TMPRSS15: variants seen among roughly 807,000 people sequenced by gnomAD.
TMPRSS15 encodes transmembrane serine protease 15, also known as enteropeptidase.
A neutral mutation model predicts 125.3 loss-of-function variants in TMPRSS15; 128 were observed. The ratio of observed to expected loss-of-function variants is 1.02; its 90% CI spans 0.89 to 1.18. The LOEUF (loss-of-function observed/expected upper bound fraction) is 1.18, where lower values mean the gene tolerates loss of function less well. TMPRSS15 is among the 50% of genes most tolerant of loss of function. TMPRSS15 has a pLI of 0.00. For synonymous variants in TMPRSS15, 446 were observed against 423.2 expected, an observed-to-expected ratio of 1.05 and a Z score of -0.66; for missense variants, 1,283 against 1,212.7, an observed-to-expected ratio of 1.06 and a Z score of -0.86.
At chr21:18,352,857 T>C (rs1175409281) in intron 10 of TMPRSS15, 46 bp downstream of exon 10, 1 of 1,592,994 alleles carries the variant, frequency 6.3e-7, no homozygotes, top group Non-Finnish European at 8.6e-7. Flanking sequence ...TTCCTTTTGA[T>C]TTATGAATTA....
chr21:18,442,631 G>A (rs185089705), intron 1 of TMPRSS15, among the ~76,000 whole-genome samples: 14 of 152,178 alleles, frequency 9.2e-5, no homozygotes, highest in Admixed American at 5.2e-4. Flanking sequence ...TTCTTATCCC[G>A]GTAAGTTTGG....
chr21:18,365,390 A>G, intron 6 of TMPRSS15, 142 bp from the exon 7 acceptor site: 1 of 750,706 alleles, frequency 1.3e-6, no homozygotes, highest in South Asian at 1.5e-5. Flanking sequence ...TTCATGTTTG[A>G]AACCTATTAG....
upstream of TMPRSS15, among the ~76,000 whole-genome samples, chr21:18,406,636 A>G (rs1296356058): frequency 6.6e-6 from 1 of 152,190 alleles, no homozygotes; most frequent in Non-Finnish European, 1.5e-5. Flanking sequence ...GACCTTAGAC[A>G]TATAAGCAAA....
chr21:18,372,881 T>G (rs936912457), intron 5 of TMPRSS15, among the ~76,000 whole-genome samples: 1 of 152,212 alleles, frequency 6.6e-6, no homozygotes, highest in Non-Finnish European at 1.5e-5. Flanking sequence ...TTCATAAACT[T>G]AAGTCTAGAG....
chr21:18,299,806 C>T (rs1236093506), intron 18 of TMPRSS15, among the ~76,000 whole-genome samples: 1 of 152,198 alleles, frequency 6.6e-6, no homozygotes, highest in Non-Finnish European at 1.5e-5. Flanking sequence ...AAATTCTCCA[C>T]CCTCACTCGA....
intron 17 of TMPRSS15, 51 bp downstream of exon 17, chr21:18,315,095 C>A: frequency 7.0e-7 from 1 of 1,425,494 alleles, no homozygotes; most frequent in Non-Finnish European, 9.9e-7. Flanking sequence ...CTGTAGAGTC[C>A]AAATGCAGAG....
rs59103494 is a variant in TMPRSS15 at position 18,305,183 on chromosome 21, C to CTTTTTTTTTTTT, written c.2166-7366_2166-7355dup. 1.4e-4 allele frequency among the ~76,000 whole-genome samples: 12 copies of CTTTTTTTTTTTT among 86,042 alleles called. 1 individual carries two copies. The highest frequency in any genetic ancestry group is 3.1e-4 in the African/African-American group (7 of 22,548). The allele number at this position is 86,042 out of a possible 152,430, so 56.4% of individuals were successfully genotyped here. A position where few individuals can be genotyped will look rare whatever the true frequency, so the allele number is the denominator to read the frequency against. On this transcript the variant is annotated intron_variant, in intron 18 of 24. Coordinates refer to ENST00000284885, the MANE Select transcript of TMPRSS15 (RefSeq NM_002772.3). Reference sequence around the variant, plus strand: ...GGATTCCAGGATTTGAATTTCCGTACTTTTTTTTTTTTTTTTTTTTTTTGA... The same window carrying CTTTTTTTTTTTT: ...GGATTCCAGGATTTGAATTTCCGTACTTTTTTTTTTTTTTTTTTTTTTTTTTTTTTTTTTTGA...
chr21:18,429,391 C>T (rs537605096), intron 1 of TMPRSS15, among the ~76,000 whole-genome samples: 7 of 152,068 alleles, frequency 4.6e-5, no homozygotes, highest in Admixed American at 1.3e-4. Context: ...TTGGAGGGGC[C>T]AGGGTGGAAT....
At chr21:18,409,149 AAT>A (rs1361750322) in intron 1 of TMPRSS15, among the ~76,000 whole-genome samples, 1 of 151,820 alleles carries the variant, frequency 6.6e-6, no homozygotes, top group African/African-American at 2.4e-5. Flanking sequence ...AGATTTTTTT[AAT>A]AGTGTGTTTT....
chr21:18,404,790 A>G (rs2076135365), upstream of TMPRSS15, among the ~76,000 whole-genome samples: 2 of 152,066 alleles, frequency 1.3e-5, no homozygotes, highest in Non-Finnish European at 2.9e-5. Context: ...TTCTTTACCC[A>G]TGAAAGAAGA....
chr21:18,280,217 C>T (rs1439882009), intron 22 of TMPRSS15, among the ~76,000 whole-genome samples: 1 of 152,134 alleles, frequency 6.6e-6, no homozygotes. Flanking sequence ...TGCACATTTT[C>T]CAGGCATTTG....
intron 3 of TMPRSS15, among the ~76,000 whole-genome samples, chr21:18,391,982 G>T (rs988235439): frequency 1.3e-5 from 2 of 152,174 alleles, no homozygotes; most frequent in Non-Finnish European, 2.9e-5. Context: ...TTTTAGCCAT[G>T]GCTGGAGCTG....
At chr21:18,376,223 GT>G (rs2075840949) in intron 5 of TMPRSS15, among the ~76,000 whole-genome samples, 1 of 148,110 alleles carries the variant, frequency 6.8e-6, no homozygotes, top group Non-Finnish European at 1.5e-5. Context: ...AAATTTTATT[GT>G]AAGCAAGACT....
rs569557580 is a variant in TMPRSS15 at position 18,278,836 on chromosome 21, G to A, written c.2764+128C>T. On this transcript the variant is annotated intron_variant, in intron 23 of 24. Coordinates refer to ENST00000284885, the MANE Select transcript of TMPRSS15 (RefSeq NM_002772.3). ...TGTACATGCTTGACGGTACTTTTAG[G>A]AGATATTGAAAAAACTGTTATATAA... 3.2e-5 allele frequency: 20 copies of A among 618,292 alleles called. No individual in the cohort carries two copies. The East Asian group carries it at 5.4e-4, about 17-fold the overall frequency. The allele number at this position is 618,292 out of a possible 1,614,324, so 38.3% of individuals were successfully genotyped here. A position where few individuals can be genotyped will look rare whatever the true frequency, so the allele number is the denominator to read the frequency against.
chr21:18,440,290 G>A (rs892414413), intron 1 of TMPRSS15, among the ~76,000 whole-genome samples: 1 of 147,572 alleles, frequency 6.8e-6, no homozygotes, highest in South Asian at 2.2e-4. Flanking sequence ...GGAGAATGGC[G>A]TGAACCCGGG....
intron 16 of TMPRSS15, among the ~76,000 whole-genome samples, chr21:18,324,924 G>A (rs1017472597): frequency 2.1e-4 from 32 of 151,978 alleles, no homozygotes; most frequent in African/African-American, 7.5e-4. Context: ...AAAATAATTG[G>A]CAAACAAACA....
In TMPRSS15 at chr21:18,361,369, T is replaced by C. The variant is rs1312198094; in HGVS notation, c.774-1506A>G. Among the ~76,000 whole-genome samples the C allele has an allele frequency of 2.0e-5, 3 of 152,254 alleles. No individual in the cohort carries two copies. The East Asian group carries it at 5.8e-4, about 29-fold the overall frequency. On this transcript the variant is annotated intron_variant, in intron 7 of 24. Coordinates refer to ENST00000284885, the MANE Select transcript of TMPRSS15 (RefSeq NM_002772.3). ...TACGGGAGAAAACATCTAAGGCTCC[T>C]TGGGCATGAGTTTGGCTAGATCATC...
intron 13 of TMPRSS15, among the ~76,000 whole-genome samples, chr21:18,335,939 CTTT>C (rs5842685): frequency 9.9e-5 from 14 of 140,960 alleles, no homozygotes; most frequent in African/African-American, 2.1e-4. Context: ...TGTTAAATTC[CTTT>C]TTTTTTTTTT....
chr21:18,470,489 T>A (rs955911826), intron 1 of TMPRSS15, among the ~76,000 whole-genome samples: 12 of 152,030 alleles, frequency 7.9e-5, no homozygotes, highest in Admixed American at 7.9e-4. Context: ...TCTAAGCAAA[T>A]GCTGAGTTAT....
Sources: allele counts gnomAD v4.1 joint callset (sites outside exome capture counted in the v4.1 genomes callset), GRCh38; gene constraint gnomAD v4.1.1; transcripts MANE v1.5; gene names NCBI Gene and HGNC (gene_info 2026-07-23, HGNC 2026-07-21).